SRFBP1: variants seen among roughly 807,000 people sequenced by gnomAD.
SRFBP1 encodes the protein serum response factor binding protein 1.
In SRFBP1, 47 loss-of-function variants were observed where a neutral mutation model predicts 45.5. That is an observed-to-expected ratio of 1.03 (90% CI 0.82 to 1.32). The LOEUF (loss-of-function observed/expected upper bound fraction) is 1.32, where lower values mean the gene tolerates loss of function less well. SRFBP1 is among the 40% of genes most tolerant of loss of function. The pLI, the probability that SRFBP1 is intolerant of heterozygous loss-of-function variation, is 0.00. For synonymous variants in SRFBP1, 203 were observed against 166.3 expected, an observed-to-expected ratio of 1.22 and a Z score of -1.70; for missense variants, 621 against 484.6, an observed-to-expected ratio of 1.28 and a Z score of -2.64.
chr5:122,014,458 C>G (rs1047534697), intron 4 of SRFBP1, among the ~76,000 whole-genome samples: 3 of 151,944 alleles, frequency 2.0e-5, no homozygotes, highest in Non-Finnish European at 4.4e-5. Context: ...CACGGTGGCC[C>G]TTTTCGAATC....
At position 121,998,956 on chromosome 5, in the gene SRFBP1, G is replaced by C. The variant is rs149764026; in HGVS notation, c.270+4286G>C. 6.0e-3 allele frequency among the ~76,000 whole-genome samples: 907 copies of C among 152,094 alleles called. 9 individuals carry two copies. Among genetic ancestry groups the C allele is most frequent in the African/African-American group, 0.02 (843 of 41,496 alleles). ...GTTGCTCCACTTGAGAACAGATTTT[G>C]TATTAATTGATTTTTCTGTATTGCG... On this transcript the variant is annotated intron_variant, in intron 4 of 7. Coordinates refer to ENST00000339397, the MANE Select transcript of SRFBP1 (RefSeq NM_152546.3).
chr5:122,073,202 A>T (rs756369206), intron 2 of SRFBP1, among the ~76,000 whole-genome samples: 13 of 152,174 alleles, frequency 8.5e-5, no homozygotes, highest in Non-Finnish European at 1.9e-4. Context: ...TCTGGGCGGG[A>T]GTCAAATTAT....
downstream of SRFBP1, among the ~76,000 whole-genome samples, chr5:122,033,286 A>G (rs2080711820): frequency 6.6e-6 from 1 of 150,736 alleles, no homozygotes; most frequent in Admixed American, 6.6e-5. Context: ...TCTTGATTTT[A>G]TGTTGTTTTT....
intron 7 of SRFBP1, among the ~76,000 whole-genome samples, chr5:122,025,491 T>A (rs1482176546): frequency 6.6e-6 from 1 of 152,208 alleles, no homozygotes; most frequent in Admixed American, 6.5e-5. Flanking sequence ...ATAGGATGGC[T>A]GGGTCAAATG....
intron 4 of SRFBP1, among the ~76,000 whole-genome samples, chr5:121,995,077 A>G (rs977008517): frequency 4.6e-5 from 7 of 151,556 alleles, no homozygotes; most frequent in African/African-American, 1.7e-4. Context: ...AGACTTTAAC[A>G]CCCCACTGTC....
At chr5:122,048,507 TTTTTTTGTTGTG>T (rs1753905605) in intron 2 of SRFBP1, among the ~76,000 whole-genome samples, 1 of 152,306 alleles carries the variant, frequency 6.6e-6, no homozygotes, top group Admixed American at 6.5e-5. Context: ...TAAAATTCTC[TTTTTTTGTTGTG>T]TCTGTGTCAG....
chr5:122,048,669 T>C (rs1753909820), intron 2 of SRFBP1, among the ~76,000 whole-genome samples: 1 of 152,200 alleles, frequency 6.6e-6, no homozygotes, highest in Non-Finnish European at 1.5e-5. Context: ...TGAATCCATC[T>C]GGTCCTGGAC....
intron 2 of SRFBP1, among the ~76,000 whole-genome samples, chr5:122,071,761 C>A (rs1713108319): frequency 6.6e-6 from 1 of 152,166 alleles, no homozygotes; most frequent in African/African-American, 2.4e-5. Flanking sequence ...TATTGCTTTG[C>A]TGTTTAAGAT....
At chr5:122,029,205 C>A (rs1351260600), downstream of SRFBP1, among the ~76,000 whole-genome samples, 6 of 152,006 alleles carry the variant, frequency 3.9e-5, no homozygotes, top group South Asian at 2.1e-4. Context: ...TATACACACA[C>A]AAAAAAGAAT....
chr5:122,021,121 G>T lies in SRFBP1; in HGVS notation c.1067+319G>T, dbSNP rs114671498. Among the ~76,000 whole-genome samples, 76 of 152,252 alleles carry T rather than the reference G, an allele frequency of 5.0e-4. 1 individual carries two copies. The highest frequency in any genetic ancestry group is 1.8e-3 in the African/African-American group (73 of 41,550). Reference sequence around the variant, plus strand: ...TGAAAAACTTTTGAAAATGTTTCATGTATCTTTCTAAACAGAACTTTCTGA... The same window carrying T: ...TGAAAAACTTTTGAAAATGTTTCATTTATCTTTCTAAACAGAACTTTCTGA... On this transcript the variant is annotated intron_variant, in intron 6 of 7. Transcript: ENST00000339397.
chr5:122,069,997 G>T, intron 2 of SRFBP1: 2 of 1,231,408 alleles, frequency 1.6e-6, no homozygotes, highest in Non-Finnish European at 2.4e-6. Flanking sequence ...ATAATGTTTG[G>T]CATGAACAAA....
At chr5:121,992,877 A>T (rs868082123) in intron 3 of SRFBP1, among the ~76,000 whole-genome samples, 1 of 151,350 alleles carries the variant, frequency 6.6e-6, no homozygotes, top group South Asian at 2.1e-4. Flanking sequence ...GGGCAAAAAA[A>T]GTAAAACAGT....
intron 2 of SRFBP1, among the ~76,000 whole-genome samples, chr5:122,071,013 A>T (rs539914335): frequency 6.6e-6 from 1 of 152,226 alleles, no homozygotes; most frequent in African/African-American, 2.4e-5. Context: ...CGTCCATGAT[A>T]CTTTTTATTG....
downstream of SRFBP1, chr5:122,077,120 G>A (rs1304588594): frequency 4.0e-6 from 6 of 1,490,762 alleles, no homozygotes; most frequent in African/African-American, 1.4e-5. The surrounding 1 kb of genome is among the most constrained non-coding windows in gnomAD (Gnocchi z 4.9). Context: ...GCAGAGTGGA[G>A]CGGAGGACAG....
chr5:122,075,355 T>C (rs2152590219), exon 3 of SRFBP1: 2 of 1,513,592 alleles, frequency 1.3e-6, no homozygotes, highest in Admixed American at 2.2e-5. Context: ...AAAAATCACC[T>C]GAGAAATGAA....
At chr5:122,036,893 GTTT>G (rs537018868) in intron 2 of SRFBP1, among the ~76,000 whole-genome samples, 1 of 139,304 alleles carries the variant, frequency 7.2e-6, no homozygotes, top group Non-Finnish European at 1.6e-5. Context: ...ACTCCTGTGA[GTTT>G]TTTTTTTTTT....
At chr5:122,035,047 T>C (rs1198177161) in intron 2 of SRFBP1, among the ~76,000 whole-genome samples, 1 of 149,544 alleles carries the variant, frequency 6.7e-6, no homozygotes, top group Non-Finnish European at 1.5e-5. Context: ...GGTTTTTTTT[T>C]TGTTGTTGTT....
At chr5:122,065,644 C>T (rs571304437) in intron 2 of SRFBP1, 4 of 152,132 alleles carry the variant, frequency 2.6e-5, no homozygotes, top group Admixed American at 2.0e-4. Flanking sequence ...TCCTGAATAA[C>T]CCAGGATGAT....
chr5:122,019,404 A>G (rs1753255650), intron 5 of SRFBP1, 63 bp downstream of exon 5: 6 of 1,265,612 alleles, frequency 4.7e-6, no homozygotes, highest in South Asian at 4.1e-5. Flanking sequence ...GATAATGGCT[A>G]TTCACTTATT....
Sources: allele counts gnomAD v4.1 joint callset (sites outside exome capture counted in the v4.1 genomes callset), GRCh38; gene constraint gnomAD v4.1.1; non-coding constraint Gnocchi (gnomAD v3.1); transcripts MANE v1.5; gene names NCBI Gene and HGNC (gene_info 2026-07-23, HGNC 2026-07-21).